The following CREB3L2 variants were observed in gnomAD, a reference collection of about 807,000 sequenced individuals.
CREB3L2 encodes the protein cyclic AMP-responsive element-binding protein 3-like protein 2.
In CREB3L2, 23 loss-of-function variants were observed where a neutral mutation model predicts 57.2. The observed-to-expected ratio is 0.40, with a 90% CI of 0.29 to 0.57. The LOEUF is 0.57. Among genes scored for constraint, CREB3L2 ranks in the 20% least tolerant of loss-of-function variants. CREB3L2 has a pLI of 0.42. For synonymous variants in CREB3L2, 268 were observed against 265.1 expected (o/e 1.01, Z -0.11); for missense variants, 628 against 634.7 (o/e 0.99, Z 0.11).
intron 7 of CREB3L2, among the ~76,000 whole-genome samples, chr7:137,903,115 T>C (rs1305774046): frequency 2.0e-5 from 3 of 152,174 alleles, no homozygotes; most frequent in African/African-American, 7.2e-5. Flanking sequence ...ACCCAGCCTA[T>C]TGAAGTTTTT....
chr7:137,945,252 T>A (rs1004594299), intron 1 of CREB3L2, among the ~76,000 whole-genome samples: 1 of 152,262 alleles, frequency 6.6e-6, no homozygotes, highest in Non-Finnish European at 1.5e-5. Context: ...AATATAAAAA[T>A]GTATGGACAG....
In CREB3L2 at chr7:137,882,552, C is replaced by T; in HGVS notation, c.1347G>A (p.Glu449=). The change falls in exon 11 of 12, where the codon GAG becomes GAA. Residue 449 remains glutamate (E), a synonymous_variant. Coordinates refer to ENST00000330387, the MANE Select transcript of CREB3L2 (RefSeq NM_194071.4). The part of the protein sequence containing the change: ...EESSSPGSAG[E]LGGWDRGSSL... Reference sequence around the variant, plus strand: ...AGGAACCTCTATCCCAGCCCCCCAGCTCCCCAGCCGAGCCCGGGCTGGATG... The same window carrying T: ...AGGAACCTCTATCCCAGCCCCCCAGTTCCCCAGCCGAGCCCGGGCTGGATG... 1.2e-6 allele frequency: 2 copies of T among 1,613,798 alleles called. No homozygotes were observed.
intron 1 of CREB3L2, among the ~76,000 whole-genome samples, chr7:137,979,882 T>G (rs188298059): frequency 6.6e-6 from 1 of 152,282 alleles, no homozygotes; most frequent in East Asian, 1.9e-4. Context: ...GACTCAGATG[T>G]AGAACAGATC....
intron 1 of CREB3L2, among the ~76,000 whole-genome samples, chr7:137,995,125 T>G (rs991627133): frequency 1.3e-5 from 2 of 152,102 alleles, no homozygotes; most frequent in African/African-American, 4.8e-5. Context: ...TAAGAAAAGT[T>G]TCTTCCATTC....
chr7:137,884,682 C>G (rs1032954684), intron 10 of CREB3L2: 36 of 592,230 alleles, frequency 6.1e-5, no homozygotes, highest in African/African-American at 5.8e-4. Context: ...GCGACAGACT[C>G]TTTCCCTCAT....
intron 2 of CREB3L2, 22 bp from the exon 3 acceptor site, chr7:137,916,034 C>T (rs761485490): frequency 6.2e-7 from 1 of 1,600,910 alleles, no homozygotes; most frequent in South Asian, 1.1e-5. Context: ...AAGACAAGCA[C>T]ACATGTGAAC....
chr7:137,926,300 T>C (rs1014290636), intron 2 of CREB3L2, among the ~76,000 whole-genome samples: 1 of 152,226 alleles, frequency 6.6e-6, no homozygotes, highest in South Asian at 2.1e-4. Context: ...ATTGCAGCAC[T>C]ATTTACAATA....
rs890316586 is a variant in CREB3L2, at chr7:137,875,267, A to G, written c.*5209T>C. On this transcript the variant is annotated 3_prime_UTR_variant, in exon 12 of 12. Transcript: ENST00000330387. The stretch of plus-strand genomic sequence containing the variant: ...TAGACATTAAAGCTCACCGTTGATT[A>G]TAGCTCAGGGCCTGCTCAGCATTGT... 1.8e-5 allele frequency: 4 copies of G among 219,854 alleles called. No individual in the cohort carries two copies. Among genetic ancestry groups the G allele is most frequent in the African/African-American group, 9.0e-5 (4 of 44,604 alleles). The allele number at this position is 219,854 out of a possible 1,614,324, so 13.6% of individuals were successfully genotyped here.
At chr7:137,912,648 C>T (rs750766800) in intron 4 of CREB3L2, among the ~76,000 whole-genome samples, 1 of 152,088 alleles carries the variant, frequency 6.6e-6, no homozygotes, top group Non-Finnish European at 1.5e-5. Flanking sequence ...TGTGGGGCTA[C>T]GTAGGGTTCA....
chr7:137,954,591 AG>A (rs1801170885), intron 1 of CREB3L2, among the ~76,000 whole-genome samples: 1 of 152,172 alleles, frequency 6.6e-6, no homozygotes, highest in African/African-American at 2.4e-5. Flanking sequence ...AAACTACCCT[AG>A]GAGCACTCCT....
At position 137,915,918 on chromosome 7, in the gene CREB3L2, G is replaced by A. The variant is rs769597244; in HGVS notation, c.414C>T (p.Leu138=). The A allele has an allele frequency of 2.6e-5, 42 of 1,613,974 alleles. No homozygotes were observed. The highest frequency in any genetic ancestry group is 2.0e-4 in the East Asian group (9 of 44,896). ...EPVTDEPPPG[L]VPSVTLTITA... is the part of the protein sequence containing the mutation. ...TGATGGTCAGAGTGACAGACGGAAC[G>A]AGTCCTGGGGGTGGTTCGTCTGTAA... Residue 138 remains leucine, a synonymous_variant, in exon 3 of 12, where the codon CTC becomes CTT. Transcript: ENST00000330387.
rs1491237233 is a variant in CREB3L2, at chr7:137,922,415, T to TATATATATATATATATATATATATATAC, written c.319+5734_319+5735insGTATATATATATATATATATATATATAT. Among the ~76,000 whole-genome samples, 12 of 23,156 alleles carry TATATATATATATATATATATATATATAC rather than the reference T, an allele frequency of 5.2e-4. 2 individuals carry two copies. The Admixed American group carries it at 7.0e-3, about 14-fold the overall frequency. 15.2% of individuals were successfully genotyped at this position (23,156 alleles called of 152,430 possible). A position where few individuals can be genotyped will look rare whatever the true frequency, so the allele number is the denominator to read the frequency against. Reference sequence around the variant, plus strand: ...ATATATATATATATATATATATATATGTATATATATATATATATATACGTA... The same window carrying TATATATATATATATATATATATATATAC: ...ATATATATATATATATATATATATATATATATATATATATATATATATATATACGTATATATATATATATATATACGTA... On this transcript the variant is annotated intron_variant, in intron 2 of 11. Transcript: ENST00000330387.
In CREB3L2 at chr7:137,877,416, T is replaced by C. The variant is rs1260727119; in HGVS notation, c.*3060A>G. 4.4e-6 allele frequency: 1 copy of C among 227,260 alleles called. No homozygotes were observed. The highest frequency in any genetic ancestry group is 6.3e-5 in the East Asian group (1 of 15,840). The allele number at this position is 227,260 out of a possible 1,614,324, so 14.1% of individuals were successfully genotyped here. A position where few individuals can be genotyped will look rare whatever the true frequency, so the allele number is the denominator to read the frequency against. ...TCTTTATGTGAGCTAGACTCCAGAGTCCTCACACTTCACAGAAATTCTTTC... is the reference window on the plus strand; with the variant it reads ...TCTTTATGTGAGCTAGACTCCAGAGCCCTCACACTTCACAGAAATTCTTTC... On this transcript the variant is annotated 3_prime_UTR_variant, in exon 12 of 12. Transcript: ENST00000330387.
chr7:137,968,749 T>A (rs1483315175), intron 1 of CREB3L2, among the ~76,000 whole-genome samples: 1 of 152,132 alleles, frequency 6.6e-6, no homozygotes, highest in African/African-American at 2.4e-5. Flanking sequence ...CAGTCCCCAG[T>A]ATACCATCAG....
At chr7:137,977,608 C>A (rs1801631407) in intron 1 of CREB3L2, among the ~76,000 whole-genome samples, 1 of 152,074 alleles carries the variant, frequency 6.6e-6, no homozygotes, top group African/African-American at 2.4e-5. Context: ...TATGTAACCA[C>A]AAATCTTGTT....
At chr7:137,960,809 CTT>C (rs66493086) in intron 1 of CREB3L2, among the ~76,000 whole-genome samples, 99 of 95,568 alleles carry the variant, frequency 1.0e-3, no homozygotes, top group Non-Finnish European at 1.4e-3. Flanking sequence ...TAAATTATTT[CTT>C]TTTTTTTTTT....
At chr7:137,916,162 A>G in intron 2 of CREB3L2, 150 bp from the exon 3 acceptor site, 1 of 590,034 alleles carries the variant, frequency 1.7e-6, no homozygotes, top group Non-Finnish European at 2.9e-6. Context: ...GAGGGAAAAG[A>G]TTGATAGATA....
intron 1 of CREB3L2, among the ~76,000 whole-genome samples, chr7:137,950,967 T>C (rs1801082125): frequency 6.6e-6 from 1 of 152,204 alleles, no homozygotes; most frequent in Non-Finnish European, 1.5e-5. Flanking sequence ...ATTGATAAAA[T>C]GTATTTGTAA....
In CREB3L2 at chr7:137,969,438, C is replaced by G. The variant is rs188818910; in HGVS notation, c.102+32166G>C. Among the ~76,000 whole-genome samples the G allele has an allele frequency of 2.2e-3, 339 of 150,706 alleles. 1 individual carries two copies. Among genetic ancestry groups the G allele is most frequent in the African/African-American group, 7.6e-3 (314 of 41,054 alleles). ...CTCGGCTCACTGCAAGCTTCGCCTC[C>G]CGGGTTCATGCCATTCTCCTGCCTC... On this transcript the variant is annotated intron_variant, in intron 1 of 11. Coordinates refer to ENST00000330387, the MANE Select transcript of CREB3L2 (RefSeq NM_194071.4).
Sources: gnomAD v4.1 joint callset for allele counts (sites outside exome capture counted in the v4.1 genomes callset) on GRCh38, gnomAD v4.1.1 for gene constraint, MANE v1.5 for transcripts, NCBI Gene and HGNC (gene_info 2026-07-23, HGNC 2026-07-21) for gene names.